Variants in ALPK1 observed in about 807,000 individuals in gnomAD.
The protein encoded by ALPK1 is alpha kinase 1, also known as alpha-protein kinase 1.
ALPK1 carries 110 observed loss-of-function variants against 120.6 expected under a neutral mutation model. The ratio of observed to expected loss-of-function variants is 0.91; its 90% CI spans 0.78 to 1.07. The LOEUF (loss-of-function observed/expected upper bound fraction) is 1.07, where lower values mean the gene tolerates loss of function less well. Ranked by LOEUF, ALPK1 falls within the 50% of genes least tolerant of loss-of-function variation. The probability of loss-of-function intolerance (pLI) is 0.00; values close to 1 mark genes in which losing one functional copy is unlikely to be tolerated. For missense variants in ALPK1, 1,498 were observed against 1,483.9 expected (o/e 1.01, Z -0.16); for synonymous variants, 582 against 560.3 (o/e 1.04, Z -0.55).
At chr4:112,416,461 A>G (rs1260726600) in intron 5 of ALPK1, among the ~76,000 whole-genome samples, 1 of 152,200 alleles carries the variant, frequency 6.6e-6, no homozygotes, top group Non-Finnish European at 1.5e-5. Flanking sequence ...GGAAGTTTAA[A>G]AAACTCAAAG....
At chr4:112,397,564 G>T (rs1732704925) in intron 4 of ALPK1, among the ~76,000 whole-genome samples, 1 of 152,170 alleles carries the variant, frequency 6.6e-6, no homozygotes, top group Admixed American at 6.5e-5. Flanking sequence ...AACTTTAAAA[G>T]AGCTTAGGGG....
Position 112,431,372 on chromosome 4 carries a change from AAAG to A in ALPK1, c.1827_1829del (p.Glu610del). The A allele has an allele frequency of 1.9e-6, 3 of 1,614,238 alleles. No individual in the cohort carries two copies. Among genetic ancestry groups the A allele is most frequent in the Non-Finnish European group, 2.5e-6 (3 of 1,180,046 alleles). On this transcript the variant is annotated inframe_deletion, in exon 11 of 16. Transcript: ENST00000650871. ...TCACGTTGACGACAGGTCAGCCAGA[AAAG>A]AGCCTGGCAAAGAACATCTGGTGGA...
At chr4:112,385,311 G>A (rs987791030) in intron 4 of ALPK1, among the ~76,000 whole-genome samples, 8 of 152,172 alleles carry the variant, frequency 5.3e-5, no homozygotes, top group African/African-American at 1.7e-4. Flanking sequence ...GATACCTCCC[G>A]CTATGCCTCT....
At chr4:112,349,927 T>G (rs1371302000) in intron 2 of ALPK1, among the ~76,000 whole-genome samples, 4 of 152,174 alleles carry the variant, frequency 2.6e-5, no homozygotes, top group Admixed American at 2.6e-4. Flanking sequence ...GCATGGTATT[T>G]TAGGCTCCAG....
chr4:112,304,164 A>ACAAG (rs1159368097), intron 1 of ALPK1, among the ~76,000 whole-genome samples: 19 of 152,094 alleles, frequency 1.2e-4, no homozygotes, highest in African/African-American at 3.9e-4. Flanking sequence ...GGACACTTGG[A>ACAAG]TTGGTTCCAA....
intron 1 of ALPK1, among the ~76,000 whole-genome samples, chr4:112,312,051 T>G (rs1728430113): frequency 6.6e-6 from 1 of 152,192 alleles, no homozygotes; most frequent in Admixed American, 6.5e-5. Context: ...TGGTCAATTG[T>G]AGTCAGACAA....
At chr4:112,426,673 A>G in intron 8 of ALPK1, 130 bp downstream of exon 8, 1 of 742,792 alleles carries the variant, frequency 1.3e-6, no homozygotes, top group Non-Finnish European at 2.0e-6. Flanking sequence ...TCACAAGCAT[A>G]GGGCCAGGTA....
chr4:112,411,191 C>T (rs542938575), intron 4 of ALPK1: 2 of 155,018 alleles, frequency 1.3e-5, no homozygotes, highest in East Asian at 3.9e-4. Context: ...GATGGGGAAA[C>T]TATGGGGCGC....
At chr4:112,321,864 T>C (rs6835743) in intron 2 of ALPK1, among the ~76,000 whole-genome samples, 12,831 of 152,270 alleles carry the variant, frequency 0.084, 842 homozygotes, top group Admixed American at 0.21. Context: ...AGTCTTATAA[T>C]TTATTTAGAC....
In ALPK1 at chr4:112,330,712, G is replaced by A. The variant is rs534522136; in HGVS notation, c.-101+14860G>A. On this transcript the variant is annotated intron_variant, in intron 2 of 15. Coordinates refer to ENST00000650871, the MANE Select transcript of ALPK1 (RefSeq NM_025144.4). ...ACCCATGCCTTATGTCTTCCAGCCG[G>A]CTCTAAAACAGAATGTGTAATAGAT... Among the ~76,000 whole-genome samples, 4 of 152,242 alleles carry A rather than the reference G, an allele frequency of 2.6e-5. No individual in the cohort carries two copies. The East Asian group carries it at 7.7e-4, about 29-fold the overall frequency.
chr4:112,303,166 T>C (rs972548664), intron 1 of ALPK1, among the ~76,000 whole-genome samples: 1 of 152,186 alleles, frequency 6.6e-6, no homozygotes, highest in African/African-American at 2.4e-5. Context: ...TGTTAGATTC[T>C]GTTCTCTACC....
At chr4:112,410,345 C>T (rs1733394929) in intron 4 of ALPK1, among the ~76,000 whole-genome samples, 1 of 152,186 alleles carries the variant, frequency 6.6e-6, no homozygotes, top group Non-Finnish European at 1.5e-5. Flanking sequence ...TATCACTTCA[C>T]CTCTCTGCAT....
At chr4:112,346,631 C>G (rs1296566995) in intron 2 of ALPK1, among the ~76,000 whole-genome samples, 1 of 152,266 alleles carries the variant, frequency 6.6e-6, no homozygotes, top group East Asian at 1.9e-4. Flanking sequence ...TTGGCCTACT[C>G]TTTCCCCATG....
intron 1 of ALPK1, among the ~76,000 whole-genome samples, chr4:112,307,349 G>T (rs1000805152): frequency 5.3e-5 from 8 of 151,914 alleles, no homozygotes; most frequent in Admixed American, 3.9e-4. Flanking sequence ...TTGACAGTGG[G>T]GTGTTAAACT....
In ALPK1 at chr4:112,356,150, C is replaced by A. The variant is rs1730602022; in HGVS notation, c.-100-21528C>A. ...ACAGGCTGATATGCCCAAGATAGTC[C>A]TGAATGGTGTGACCGTAGACTTCCC... On this transcript the variant is annotated intron_variant, in intron 2 of 15. Coordinates refer to ENST00000650871, the MANE Select transcript of ALPK1 (RefSeq NM_025144.4). 1.3e-5 allele frequency: 21 copies of A among 1,604,006 alleles called. No homozygotes were observed. The South Asian group carries it at 2.3e-4, about 18-fold the overall frequency.
At chr4:112,418,633 G>C (rs1019875926) in intron 5 of ALPK1, among the ~76,000 whole-genome samples, 7 of 152,152 alleles carry the variant, frequency 4.6e-5, no homozygotes, top group African/African-American at 1.7e-4. Context: ...ACGATGACAA[G>C]GCTTACCATC....
intron 4 of ALPK1, among the ~76,000 whole-genome samples, chr4:112,408,227 C>T (rs578199647): frequency 4.6e-5 from 7 of 152,228 alleles, no homozygotes; most frequent in African/African-American, 1.7e-4. Context: ...TAGCCATAAG[C>T]AGGGTGGCAG....
chr4:112,321,715 T>C (rs1161168236), intron 2 of ALPK1, among the ~76,000 whole-genome samples: 3 of 151,978 alleles, frequency 2.0e-5, no homozygotes, highest in African/African-American at 7.3e-5. Context: ...GATTAGTGAG[T>C]TTTTTCATAA....
At chr4:112,370,622 G>T (rs1731364397) in intron 2 of ALPK1, among the ~76,000 whole-genome samples, 1 of 152,206 alleles carries the variant, frequency 6.6e-6, no homozygotes. Context: ...TTGCCTGAAG[G>T]AAAGTTCCTG....
Sources: allele counts gnomAD v4.1 joint callset (sites outside exome capture counted in the v4.1 genomes callset), GRCh38; gene constraint gnomAD v4.1.1; transcripts MANE v1.5; gene names NCBI Gene and HGNC (gene_info 2026-07-23, HGNC 2026-07-21).